Variants in OR1J2 observed in about 807,000 individuals in gnomAD.
The protein encoded by OR1J2 is olfactory receptor family 1 subfamily J member 2.
For missense variants in OR1J2, 304 were observed against 246.1 expected (o/e 1.24, Z -1.57); for synonymous variants, 142 against 99.7 (o/e 1.42, Z -2.52).
upstream of OR1J2, among the ~76,000 whole-genome samples, chr9:122,509,664 A>G (rs1291219230): frequency 6.6e-6 from 1 of 152,178 alleles, no homozygotes; most frequent in Non-Finnish European, 1.5e-5. Context: ...GAGGTTGGCA[A>G]GGGTGAGGGG....
At chr9:122,529,677 G>T in the OR1J2 span, among the ~76,000 whole-genome samples, 1 of 152,172 alleles carries the variant, frequency 6.6e-6, no homozygotes, top group African/African-American at 2.4e-5. Flanking sequence ...ATAAAACTCT[G>T]TAGATCCTTG....
the OR1J2 span, chr9:122,568,665 C>T: frequency 2.2e-4 from 115 of 527,938 alleles, no homozygotes; most frequent in Non-Finnish European, 3.4e-4. Context: ...AATCTATGGG[C>T]TCCATAAGGG....
At chr9:122,544,467 C>T in the OR1J2 span, among the ~76,000 whole-genome samples, 1 of 124,260 alleles carries the variant, frequency 8.0e-6, no homozygotes. Context: ...GTTGCCAAGG[C>T]TGGAGTGCAA....
the OR1J2 span, among the ~76,000 whole-genome samples, chr9:122,482,229 CA>C: frequency 6.6e-6 from 1 of 151,976 alleles, no homozygotes; most frequent in African/African-American, 2.4e-5. Flanking sequence ...ACGTATTTCT[CA>C]AAAGAAGACA....
chr9:122,565,900 A>G, the OR1J2 span, among the ~76,000 whole-genome samples: 41,455 of 152,050 alleles, frequency 0.27, 5,827 homozygotes, highest in Middle Eastern at 0.35. Flanking sequence ...CAATGACTGG[A>G]CTCCTAAACT....
At chr9:122,472,332 T>C in the OR1J2 span, among the ~76,000 whole-genome samples, 2 of 152,236 alleles carry the variant, frequency 1.3e-5, no homozygotes, top group East Asian at 1.9e-4. Flanking sequence ...CAGGACAAGT[T>C]ATAATACAAA....
the OR1J2 span, among the ~76,000 whole-genome samples, chr9:122,531,648 G>A: frequency 2.6e-5 from 4 of 152,308 alleles, no homozygotes; most frequent in Admixed American, 2.0e-4. Context: ...AGCTTGATAA[G>A]GTGTGTTTTT....
the OR1J2 span, among the ~76,000 whole-genome samples, chr9:122,564,865 A>G: frequency 6.6e-6 from 1 of 152,212 alleles, no homozygotes; most frequent in Non-Finnish European, 1.5e-5. Flanking sequence ...CTGCAGCCCC[A>G]TGTCATAATC....
chr9:122,471,068 A>G, the OR1J2 span, among the ~76,000 whole-genome samples: 1 of 152,068 alleles, frequency 6.6e-6, no homozygotes, highest in African/African-American at 2.4e-5. Flanking sequence ...ACTTTGGGGG[A>G]CTGTAGGGAA....
chr9:122,511,538 CTG>C lies in OR1J2; in HGVS notation c.740_741del (p.Val247GlyfsTer22). On this transcript the variant is annotated frameshift_variant, in exon 1 of 1. Coordinates refer to ENST00000335302, the MANE Select transcript of OR1J2 (RefSeq NM_054107.1). LOFTEE classifies it low-confidence loss of function (END_TRUNC). ...TTGTCCACATGTGGCTCCCATCTCTCTGTGGTGTCTCTCTATTATGGGTCAAT... is the reference window on the plus strand; with the variant it reads ...TTGTCCACATGTGGCTCCCATCTCTCTGGTGTCTCTCTATTATGGGTCAAT... 1.3e-6 allele frequency: 1 copy of C among 781,076 alleles called. No individual in the cohort carries two copies. The highest frequency in any genetic ancestry group is 2.4e-6 in the Non-Finnish European group (1 of 418,134). 48.4% of individuals were successfully genotyped at this position (781,076 alleles called of 1,614,324 possible). A position where few individuals can be genotyped will look rare whatever the true frequency, so the allele number is the denominator to read the frequency against.
rs753745594 is a variant in OR1J2 at position 122,510,887 on chromosome 9, C to T, written c.86C>T (p.Thr29Ile). The T allele has an allele frequency of 5.6e-6, 9 of 1,611,356 alleles. No individual in the cohort carries two copies. In the East Asian group the frequency reaches 2.0e-4, roughly 36 times the overall value. ...IRPEQQAVFFTLFLGMYLTTV... is the reference protein window; with the variant it reads ...IRPEQQAVFFILFLGMYLTTV... ...CCAGAGCAGCAGGCTGTGTTCTTCA[C>T]CCTGTTCCTGGGCATGTACCTGACC... The change falls in exon 1 of 1, where the codon ACC becomes ATC. Residue 29 changes from threonine (T) to isoleucine (I), a missense_variant. By Grantham distance (89) the Thr-to-Ile change is moderately conservative (BLOSUM62 -1). Coordinates refer to ENST00000335302, the MANE Select transcript of OR1J2 (RefSeq NM_054107.1).
the OR1J2 span, among the ~76,000 whole-genome samples, chr9:122,524,611 C>G: frequency 1.3e-5 from 2 of 152,150 alleles, no homozygotes; most frequent in Non-Finnish European, 2.9e-5. Flanking sequence ...TGAGAAAGAA[C>G]TTAAACCATA....
At chr9:122,553,491 A>G in the OR1J2 span, 24 of 1,614,002 alleles carry the variant, frequency 1.5e-5, no homozygotes, top group Admixed American at 4.0e-4. Context: ...CCAGAGTCAG[A>G]TCATCTCGTA....
At chr9:122,459,972 C>A in the OR1J2 span, among the ~76,000 whole-genome samples, 4 of 151,864 alleles carry the variant, frequency 2.6e-5, no homozygotes, top group Admixed American at 6.6e-5. Flanking sequence ...TATTTTTGCA[C>A]CAACCTAATA....
chr9:122,471,477 A>G, the OR1J2 span: 9 of 152,222 alleles, frequency 5.9e-5, no homozygotes, highest in African/African-American at 2.2e-4. Context: ...CAGCATGAAA[A>G]TGAACTAATA....
chr9:122,487,491 A>ACACACAC, the OR1J2 span, among the ~76,000 whole-genome samples: 5 of 151,094 alleles, frequency 3.3e-5, no homozygotes, highest in African/African-American at 7.3e-5. Context: ...ACACACACAC[A>ACACACAC]AACTGCTTAA....
the OR1J2 span, chr9:122,519,903 A>G: frequency 6.2e-7 from 1 of 1,614,066 alleles, no homozygotes; most frequent in Non-Finnish European, 8.5e-7. Context: ...TTATGGCACA[A>G]TTATTGGACT....
At chr9:122,516,398 G>T (rs1314825798), downstream of OR1J2, among the ~76,000 whole-genome samples, 3 of 146,540 alleles carry the variant, frequency 2.0e-5, no homozygotes, top group Non-Finnish European at 3.0e-5. Context: ...CCGCCTCCCG[G>T]GTTCACGCCC....
the OR1J2 span, among the ~76,000 whole-genome samples, chr9:122,518,539 A>G: frequency 2.8e-4 from 42 of 152,304 alleles, no homozygotes; most frequent in African/African-American, 9.9e-4. Flanking sequence ...TACCCTCATG[A>G]CCTAATTACC....
Sources: allele counts gnomAD v4.1 joint callset (sites outside exome capture counted in the v4.1 genomes callset), GRCh38; gene constraint gnomAD v4.1.1; transcripts MANE v1.5; gene names NCBI Gene and HGNC (gene_info 2026-07-23, HGNC 2026-07-21).